CLPX: variants seen among roughly 807,000 people sequenced by gnomAD.
CLPX encodes caseinolytic mitochondrial matrix peptidase chaperone subunit X, also known as ATP-dependent clpX-like chaperone, mitochondrial.
Under a neutral mutation model 76.4 loss-of-function variants are expected in CLPX, and 34 were observed. The ratio of observed to expected loss-of-function variants is 0.45; its 90% CI spans 0.34 to 0.59. The LOEUF is 0.59. Ranked by LOEUF, CLPX falls within the 20% of genes least tolerant of loss-of-function variation. The pLI, the probability that CLPX is intolerant of heterozygous loss-of-function variation, is 0.01. For missense variants in CLPX, 613 were observed against 757.0 expected (o/e 0.81, Z 2.23); for synonymous variants, 248 against 270.9 (o/e 0.92, Z 0.83).
At chr15:65,176,959 T>C (rs2088098811) in intron 3 of CLPX, among the ~76,000 whole-genome samples, 1 of 152,018 alleles carries the variant, frequency 6.6e-6, no homozygotes, top group Admixed American at 6.6e-5. Flanking sequence ...AGGAGGAAAA[T>C]TTCTTGATTA....
intron 7 of CLPX, 114 bp from the exon 8 acceptor site, chr15:65,158,024 C>T (rs2087811144): frequency 5.0e-6 from 4 of 800,028 alleles, no homozygotes; most frequent in Admixed American, 3.3e-5. Context: ...TCAATTGCTA[C>T]ATCCTTCCTC....
chr15:65,163,885 A>C, intron 5 of CLPX, 144 bp downstream of exon 5: 1 of 746,294 alleles, frequency 1.3e-6, no homozygotes, highest in Middle Eastern at 3.9e-4. Flanking sequence ...AAATGATTTC[A>C]TAACACACTA....
chr15:65,168,858 TTC>T (rs1169298161), intron 3 of CLPX, among the ~76,000 whole-genome samples: 1 of 151,872 alleles, frequency 6.6e-6, no homozygotes, highest in Non-Finnish European at 1.5e-5. Flanking sequence ...TATTTTTCTT[TTC>T]TCTTTTTTTT....
At chr15:65,152,745 G>A (rs2087738811) in intron 12 of CLPX, among the ~76,000 whole-genome samples, 1 of 150,794 alleles carries the variant, frequency 6.6e-6, no homozygotes, top group African/African-American at 2.4e-5. Flanking sequence ...ACAGGCGTAA[G>A]CCACCAAATC....
chr15:65,181,157 C>T (rs993549958), intron 1 of CLPX, among the ~76,000 whole-genome samples: 1 of 151,858 alleles, frequency 6.6e-6, no homozygotes, highest in Non-Finnish European at 1.5e-5. Context: ...CAAGATCATG[C>T]CACTGCACTC....
chr15:65,174,313 G>A (rs537973421), intron 3 of CLPX, among the ~76,000 whole-genome samples: 1 of 149,594 alleles, frequency 6.7e-6, no homozygotes, highest in Admixed American at 6.7e-5. Context: ...CACCCAGGCT[G>A]GAGTGCAGTG....
At chr15:65,176,267 C>CA (rs1412083539) in intron 3 of CLPX, among the ~76,000 whole-genome samples, 1 of 152,188 alleles carries the variant, frequency 6.6e-6, no homozygotes, top group African/African-American at 2.4e-5. Context: ...CAGTCACCTT[C>CA]AGTGACTAAT....
At chr15:65,158,297 C>A in intron 7 of CLPX, 1 of 342,684 alleles carries the variant, frequency 2.9e-6, no homozygotes, top group Non-Finnish European at 5.2e-6. Context: ...GCTGGGATTA[C>A]AGGTGTGAGC....
At chr15:65,169,680 G>A (rs933772727) in intron 3 of CLPX, among the ~76,000 whole-genome samples, 6 of 151,968 alleles carry the variant, frequency 3.9e-5, no homozygotes, top group African/African-American at 1.2e-4. Context: ...GGTGCCCATC[G>A]TGCCCTCTTA....
At chr15:65,181,682 G>A (rs2088173819) in intron 1 of CLPX, among the ~76,000 whole-genome samples, 1 of 152,054 alleles carries the variant, frequency 6.6e-6, no homozygotes, top group Admixed American at 6.6e-5. Flanking sequence ...GAACGAGGCA[G>A]AGGTTGCAGT....
chr15:65,180,190 G>A lies in CLPX; in HGVS notation c.94C>T (p.Arg32Cys). The change falls in exon 2 of 14, where the codon CGC becomes TGC. Residue 32 changes from arginine (R) to cysteine (C), a missense_variant. By Grantham distance (180) the Arg-to-Cys change is radical. This residue lies in a region of CLPX where 163 missense variants were observed against 118.4 expected (regional missense o/e 1.38). Transcript: ENST00000300107. ...ASAQRGISGG[R>C]IHMSVLGRLG... is the part of the protein sequence containing the mutation. ...CTTCCTAAAACTGACATATGAATGC[G>A]ACCACCAGAAATACCTGAAAATAAA... 23 of 1,592,862 alleles carry A rather than the reference G, an allele frequency of 1.4e-5. No homozygotes were observed. The highest frequency in any genetic ancestry group is 1.8e-5 in the Non-Finnish European group (21 of 1,169,560).
In CLPX at chr15:65,180,151, C is replaced by G; in HGVS notation, c.133G>C (p.Glu45Gln). Reference sequence around the variant, plus strand: ...GGAGCTCTTTGCAGAATCTGAGTTTCAAATGTCCCAAGCCTTCCTAAAACT... The same window carrying G: ...GGAGCTCTTTGCAGAATCTGAGTTTGAAATGTCCCAAGCCTTCCTAAAACT... ...MSVLGRLGTF[E>Q]TQILQRAPLR... The change falls in exon 2 of 14, where the codon GAA becomes CAA. Residue 45 changes from glutamate to glutamine, a missense_variant. Glu to Gln is a conservative substitution (Grantham distance 29, BLOSUM62 2). Coordinates refer to ENST00000300107, the MANE Select transcript of CLPX (RefSeq NM_006660.5). The G allele has an allele frequency of 6.2e-7, 1 of 1,612,200 alleles. No homozygotes were observed. Among genetic ancestry groups the G allele is most frequent in the Non-Finnish European group, 8.5e-7 (1 of 1,178,898 alleles).
Position 65,183,561 on chromosome 15 carries a change from AAAGGAAGG to A in CLPX, c.79+1506_79+1513del, listed in dbSNP as rs368335604. Among the ~76,000 whole-genome samples, 320 of 151,516 alleles carry A rather than the reference AAAGGAAGG, an allele frequency of 2.1e-3. 2 individuals carry two copies. Among genetic ancestry groups the A allele is most frequent in the Non-Finnish European group, 3.3e-3 (226 of 67,876 alleles). On this transcript the variant is annotated intron_variant, in intron 1 of 13. Coordinates refer to ENST00000300107, the MANE Select transcript of CLPX (RefSeq NM_006660.5). ...AAGGAAAGAAAGACAGGAAGGAAGG[AAAGGAAGG>A]AAGGAAGGAAGGAGAAAAGAAAAGA...
intron 3 of CLPX, among the ~76,000 whole-genome samples, chr15:65,172,017 CAG>C (rs2088014929): frequency 2.0e-5 from 3 of 152,094 alleles, no homozygotes; most frequent in African/African-American, 4.8e-5. Context: ...TTTTTTGAGA[CAG>C]AGTTTCACTC....
intron 5 of CLPX, 142 bp from the exon 6 acceptor site, chr15:65,162,787 T>C: frequency 3.6e-6 from 2 of 554,064 alleles, no homozygotes; most frequent in Non-Finnish European, 6.4e-6. Context: ...GCTATATCTT[T>C]TCTATATTAA....
rs1358722430 is a variant in CLPX, at chr15:65,148,971, T to C, written c.*1852A>G. 6.6e-6 allele frequency: 1 copy of C among 152,252 alleles called. No individual in the cohort carries two copies. The highest frequency in any genetic ancestry group is 2.4e-5 in the African/African-American group (1 of 41,468). 9.4% of individuals were successfully genotyped at this position (152,252 alleles called of 1,614,324 possible). On this transcript the variant is annotated 3_prime_UTR_variant, in exon 14 of 14. Coordinates refer to ENST00000300107, the MANE Select transcript of CLPX (RefSeq NM_006660.5). ...TGAAGGTTAGTAACTTATATGTTAG[T>C]GTGAACACATTTACTTTGGCTGATA... is the stretch of plus-strand genomic sequence containing the variant.
chr15:65,150,402 A>G lies in CLPX; in HGVS notation c.*421T>C, dbSNP rs1303338036. 6.5e-6 allele frequency: 1 copy of G among 153,042 alleles called. No homozygotes were observed. Among genetic ancestry groups the G allele is most frequent in the Non-Finnish European group, 1.5e-5 (1 of 68,298 alleles). The allele number at this position is 153,042 out of a possible 1,614,324, so 9.5% of individuals were successfully genotyped here. A position where few individuals can be genotyped will look rare whatever the true frequency, so the allele number is the denominator to read the frequency against. Reference sequence around the variant, plus strand: ...AGATGAATAAAATTCCAATATTTTCAGAAACACATGTGGGTAAAAAAGGTA... The same window carrying G: ...AGATGAATAAAATTCCAATATTTTCGGAAACACATGTGGGTAAAAAAGGTA... On this transcript the variant is annotated 3_prime_UTR_variant, in exon 14 of 14. Transcript: ENST00000300107.
chr15:65,157,642 C>T lies in CLPX; in HGVS notation c.1057+104G>A, dbSNP rs1341032485. 3.7e-6 allele frequency: 4 copies of T among 1,087,776 alleles called. No individual in the cohort carries two copies. In the African/African-American group the frequency reaches 6.5e-5, roughly 18 times the overall value. The allele number at this position is 1,087,776 out of a possible 1,614,324, so 67.4% of individuals were successfully genotyped here. A position where few individuals can be genotyped will look rare whatever the true frequency, so the allele number is the denominator to read the frequency against. ...TAACAAAGGTACTTTTATATAATTA[C>T]AGAATTTTAGTCCTTGACTCAAAAC... On this transcript the variant is annotated intron_variant, in intron 8 of 13. Coordinates refer to ENST00000300107, the MANE Select transcript of CLPX (RefSeq NM_006660.5).
chr15:65,149,988 C>T lies in CLPX; in HGVS notation c.*835G>A, dbSNP rs1300267963. On this transcript the variant is annotated 3_prime_UTR_variant, in exon 14 of 14. Coordinates refer to ENST00000300107, the MANE Select transcript of CLPX (RefSeq NM_006660.5). ...GATAAGACTAGGAATACAGCTAAACCAATTATCAAAATATAGTTCTTCAGG... is the reference window on the plus strand; with the variant it reads ...GATAAGACTAGGAATACAGCTAAACTAATTATCAAAATATAGTTCTTCAGG... 4 of 152,108 alleles carry T rather than the reference C, an allele frequency of 2.6e-5. No individual in the cohort carries two copies. The highest frequency in any genetic ancestry group is 9.7e-5 in the African/African-American group (4 of 41,292). The allele number at this position is 152,108 out of a possible 1,614,324, so 9.4% of individuals were successfully genotyped here.
Sources: allele counts gnomAD v4.1 joint callset (sites outside exome capture counted in the v4.1 genomes callset), GRCh38; gene constraint gnomAD v4.1.1; regional missense constraint gnomAD v4.1.1; transcripts MANE v1.5; gene names NCBI Gene and HGNC (gene_info 2026-07-23, HGNC 2026-07-21).